The following DHX8 variants were observed in gnomAD, a reference collection of about 807,000 sequenced individuals.
DHX8 encodes the protein ATP-dependent RNA helicase DHX8.
DHX8 carries 67 observed loss-of-function variants against 140.7 expected under a neutral mutation model. The observed-to-expected ratio is 0.48, with a 90% CI of 0.39 to 0.58. DHX8 has a LOEUF of 0.58. DHX8 is among the 20% of genes least tolerant of loss of function. DHX8 has a pLI of 0.00. For missense variants in DHX8, 887 were observed against 1,550.7 expected (o/e 0.57, Z 7.19); for synonymous variants, 533 against 553.2 (o/e 0.96, Z 0.51).
chr17:43,536,563 G>A (rs1971253371), intron 3 of DHX8: 2 of 1,229,272 alleles, frequency 1.6e-6, no homozygotes, highest in South Asian at 1.2e-5. Flanking sequence ...CTGCAGATTA[G>A]CAACAGCCAA....
chr17:43,493,382 T>A, intron 6 of DHX8, 63 bp from the exon 7 acceptor site: 2 of 1,586,962 alleles, frequency 1.3e-6, no homozygotes. Context: ...CCAGTAAGGG[T>A]AGAAATTGGT....
At position 43,508,339 on chromosome 17, in the gene DHX8, G is replaced by T; in HGVS notation, c.2321G>T (p.Gly774Val). The T allele has an allele frequency of 6.2e-7, 1 of 1,611,868 alleles. No homozygotes were observed. ...GATGAATGTTCTATTCTGCTCGTAG[G>T]TGATATCCTGGTCTTCCTGACTGGT... is the stretch of plus-strand genomic sequence containing the variant. Reference protein sequence around the residue: ...VMQIHLTEPPGDILVFLTGQE... With the variant: ...VMQIHLTEPPVDILVFLTGQE... Residue 774 changes from glycine to valine, a missense_variant and splice_region_variant, in exon 16 of 23, where the codon GGT (glycine) becomes GTT (valine). Gly to Val is a moderately radical substitution (Grantham distance 109). Coordinates refer to ENST00000262415, the MANE Select transcript of DHX8 (RefSeq NM_004941.3).
chr17:43,522,311 C>T (rs1970414555), intron 22 of DHX8, 85 bp downstream of exon 22: 1 of 1,358,498 alleles, frequency 7.4e-7, no homozygotes, highest in African/African-American at 1.5e-5. Flanking sequence ...ATTGTGTCTT[C>T]ACTACTCCCA....
intron 14 of DHX8, 26 bp from the exon 15 acceptor site, chr17:43,507,783 G>T (rs1355630689): frequency 1.2e-6 from 2 of 1,613,806 alleles, no homozygotes; most frequent in East Asian, 2.2e-5. Flanking sequence ...GTCCTTTTCA[G>T]TAAGCCACAT....
Position 43,492,590 on chromosome 17 carries a change from C to T in DHX8, c.504-91C>T, listed in dbSNP as rs938162621. On this transcript the variant is annotated intron_variant, in intron 5 of 22. Transcript: ENST00000262415. ...CAGTTCAAAACCTAGTGGGTACCTA[C>T]CATGTGCATGGCACTGTACTGGGTG... is the stretch of plus-strand genomic sequence containing the variant. The T allele has an allele frequency of 8.1e-6, 6 of 740,172 alleles. No individual in the cohort carries two copies. The African/African-American group carries it at 1.1e-4, about 13-fold the overall frequency. The allele number at this position is 740,172 out of a possible 1,614,324, so 45.9% of individuals were successfully genotyped here.
chr17:43,533,405 A>G, intron 2 of DHX8: 1 of 1,523,942 alleles, frequency 6.6e-7, no homozygotes, highest in South Asian at 1.2e-5. Context: ...AGCATCTTTG[A>G]ACCCTTCATT....
downstream of DHX8, chr17:43,528,557 C>T (rs750558611): frequency 7.4e-6 from 12 of 1,612,834 alleles, no homozygotes; most frequent in Admixed American, 6.7e-5. Context: ...AATGGCTGGG[C>T]GGGGCCAGCC....
Position 43,496,267 on chromosome 17 carries a change from A to G in DHX8, c.1299A>G (p.Glu433=). ...TGILPKVDDE[E]DEDLEIELVE... ...TTCTCCCTAAGGTGGATGATGAAGA[A>G]GGTAACTAGTCAGTTGGATCGAGAA... The change falls in exon 9 of 23, where the codon GAA becomes GAG. Residue 433 remains glutamate, a splice_region_variant and synonymous_variant. Coordinates refer to ENST00000262415, the MANE Select transcript of DHX8 (RefSeq NM_004941.3). 1 of 1,610,370 alleles carries G rather than the reference A, an allele frequency of 6.2e-7. No individual in the cohort carries two copies.
intron 9 of DHX8, among the ~76,000 whole-genome samples, chr17:43,498,083 G>A (rs1019623375): frequency 2.0e-5 from 3 of 151,786 alleles, no homozygotes; most frequent in Non-Finnish European, 1.5e-5. Flanking sequence ...GGTGATGGGG[G>A]AATAGTCACC....
At chr17:43,515,518 C>T (rs192958137) in intron 17 of DHX8, among the ~76,000 whole-genome samples, 7 of 152,318 alleles carry the variant, frequency 4.6e-5, no homozygotes, top group African/African-American at 7.2e-5. Flanking sequence ...GTGTACTTAA[C>T]GTCCTAGATA....
intron 16 of DHX8, among the ~76,000 whole-genome samples, chr17:43,509,857 TG>T (rs1431204168): frequency 6.6e-6 from 1 of 151,802 alleles, no homozygotes; most frequent in East Asian, 1.9e-4. Context: ...TTAGTAGAGA[TG>T]GGGTTTCCCC....
chr17:43,501,981 G>C lies in DHX8; in HGVS notation c.1546+1878G>C, dbSNP rs541451889. Among the ~76,000 whole-genome samples, 5 of 152,298 alleles carry C rather than the reference G, an allele frequency of 3.3e-5. No individual in the cohort carries two copies. In the East Asian group the frequency reaches 9.6e-4, roughly 29 times the overall value. On this transcript the variant is annotated intron_variant, in intron 11 of 22. Coordinates refer to ENST00000262415, the MANE Select transcript of DHX8 (RefSeq NM_004941.3). ...ATGTACTTGAGAAAAGTAATTTGTT[G>C]AATGTGGGGCAACAGGAATGGTCAA...
chr17:43,490,251 A>G lies in DHX8; in HGVS notation c.235-140A>G. 6.3e-6 allele frequency: 4 copies of G among 634,438 alleles called. No individual in the cohort carries two copies. In the South Asian group the frequency reaches 7.7e-5, roughly 12 times the overall value. 39.3% of individuals were successfully genotyped at this position (634,438 alleles called of 1,614,324 possible). A position where few individuals can be genotyped will look rare whatever the true frequency, so the allele number is the denominator to read the frequency against. ...ACTAGGTTCATGCTACACCAGGTTG[A>G]CACACTATGTTTCATGTATTCCAAT... On this transcript the variant is annotated intron_variant, in intron 2 of 22. Coordinates refer to ENST00000262415, the MANE Select transcript of DHX8 (RefSeq NM_004941.3).
At chr17:43,540,870 A>G (rs1283986878) in intron 3 of DHX8, among the ~76,000 whole-genome samples, 2 of 152,098 alleles carry the variant, frequency 1.3e-5, no homozygotes, top group Non-Finnish European at 2.9e-5. Context: ...CCCAAGGGAA[A>G]GGGTGGTGCA....
intron 3 of DHX8, among the ~76,000 whole-genome samples, chr17:43,539,191 T>C (rs1319369229): frequency 6.6e-6 from 1 of 152,222 alleles, no homozygotes; most frequent in Non-Finnish European, 1.5e-5. Flanking sequence ...TCTGCATGAC[T>C]TGGCCTTGCC....
In DHX8 at chr17:43,491,148, C is replaced by T. The variant is rs770153916; in HGVS notation, c.308-17C>T. On this transcript the variant is annotated splice_polypyrimidine_tract_variant and intron_variant, in intron 3 of 22. Coordinates refer to ENST00000262415, the MANE Select transcript of DHX8 (RefSeq NM_004941.3). ...TATCTCTTTTTTTAACCCCTTCATG[C>T]TCTTTAATGAAACAAGATCCAGTTG... 4 of 1,380,964 alleles carry T rather than the reference C, an allele frequency of 2.9e-6. No homozygotes were observed. The Admixed American group carries it at 7.3e-5, about 25-fold the overall frequency. 85.5% of individuals were successfully genotyped at this position (1,380,964 alleles called of 1,614,324 possible).
chr17:43,493,504 A>G lies in DHX8; in HGVS notation c.923A>G (p.Asn308Ser), dbSNP rs140435622. Residue 308 changes from asparagine to serine, a missense_variant, in exon 7 of 23, where the codon AAT becomes AGT. By Grantham distance (46) the Asn-to-Ser change is conservative. Transcript: ENST00000262415. ...CTCCGGCGGGAGGGTCGTGTGGCCAATGTAGCTGATGTCGTGAGCAAAGGC... is the reference window on the plus strand; with the variant it reads ...CTCCGGCGGGAGGGTCGTGTGGCCAGTGTAGCTGATGTCGTGAGCAAAGGC... ...SELRREGRVANVADVVSKGQR... is the reference protein window; with the variant it reads ...SELRREGRVASVADVVSKGQR... 5.3e-5 allele frequency: 86 copies of G among 1,614,166 alleles called. No homozygotes were observed. The highest frequency in any genetic ancestry group is 5.1e-4 in the African/African-American group (38 of 75,032).
At chr17:43,511,761 C>A (rs1298739612) in intron 16 of DHX8, among the ~76,000 whole-genome samples, 1 of 150,282 alleles carries the variant, frequency 6.7e-6, no homozygotes, top group East Asian at 2.0e-4. Flanking sequence ...CCTGGCAGAT[C>A]CCAGCATTTT....
intron 3 of DHX8, among the ~76,000 whole-genome samples, chr17:43,543,030 G>C (rs1028650662): frequency 1.3e-5 from 2 of 152,078 alleles, no homozygotes; most frequent in Non-Finnish European, 2.9e-5. Context: ...AGGGGGACAG[G>C]GCCCCGGCAG....
Sources: gnomAD v4.1 joint callset for allele counts (sites outside exome capture counted in the v4.1 genomes callset) on GRCh38, gnomAD v4.1.1 for gene constraint, MANE v1.5 for transcripts, NCBI Gene and HGNC (gene_info 2026-07-23, HGNC 2026-07-21) for gene names.